The following KRT8 variants were observed in gnomAD, a reference collection of about 807,000 sequenced individuals.
KRT8 encodes the protein keratin, type II cytoskeletal 8.
KRT8 carries 24 observed loss-of-function variants against 43.0 expected under a neutral mutation model. The ratio of observed to expected loss-of-function variants is 0.56; its 90% CI spans 0.40 to 0.78. The LOEUF is 0.78. KRT8 is among the 30% of genes least tolerant of loss of function. KRT8 has a pLI of 0.00. For synonymous variants in KRT8, 214 were observed against 261.2 expected (o/e 0.82, Z 1.74); for missense variants, 492 against 638.4 (o/e 0.77, Z 2.47).
chr12:52,927,147 G>T (rs1258486956), intron 2 of KRT8, among the ~76,000 whole-genome samples: 1 of 152,194 alleles, frequency 6.6e-6, no homozygotes, highest in Non-Finnish European at 1.5e-5. Context: ...AGCCTCAGAA[G>T]GGTGTCCACA....
intron 2 of KRT8, among the ~76,000 whole-genome samples, chr12:52,941,313 G>C (rs1426818600): frequency 6.6e-6 from 1 of 151,870 alleles, no homozygotes; most frequent in East Asian, 1.9e-4. Flanking sequence ...AAAGCTTAAG[G>C]TTTCCTTGAA....
At chr12:52,897,557 G>A in exon 8 of KRT8, 2 of 1,597,548 alleles carry the variant, frequency 1.3e-6, no homozygotes, top group Non-Finnish European at 8.5e-7. Flanking sequence ...AGCCAAAGCT[G>A]GAGCCCAGGC....
chr12:52,905,646 G>A (rs1450695799), upstream of KRT8, among the ~76,000 whole-genome samples: 2 of 152,188 alleles, frequency 1.3e-5, no homozygotes, highest in Non-Finnish European at 2.9e-5. Context: ...ACCTGGTGCA[G>A]TGCCAAGAGG....
At chr12:52,946,020 C>G (rs551334669) in intron 2 of KRT8, among the ~76,000 whole-genome samples, 1 of 152,278 alleles carries the variant, frequency 6.6e-6, no homozygotes, top group African/African-American at 2.4e-5. Context: ...CAGGCTGGTG[C>G]TGGAAGCCCG....
chr12:52,899,042 C>T (rs910446492), intron 5 of KRT8, 143 bp from the exon 6 acceptor site: 8 of 753,878 alleles, frequency 1.1e-5, no homozygotes, highest in African/African-American at 1.7e-5. Context: ...GGGCCGGGCA[C>T]AGTGGCTCAT....
In KRT8 at chr12:52,901,157, A is replaced by G. The variant is rs867844907; in HGVS notation, c.594+2T>C. On this transcript the variant is annotated splice_donor_variant, in intron 3 of 7. Transcript: ENST00000692008. LOFTEE classifies it high-confidence loss of function. The stretch of plus-strand genomic sequence containing the variant: ...CAGATAGGAGAAGGGAGACTCCCTC[A>G]CCTTCTTGATGAGGACAAATTCGTT... The G allele has an allele frequency of 2.5e-6, 4 of 1,599,150 alleles. No homozygotes were observed. In the African/African-American group the frequency reaches 5.4e-5, roughly 21 times the overall value.
At chr12:52,934,840 A>G (rs1018242208) in intron 2 of KRT8, among the ~76,000 whole-genome samples, 1 of 151,830 alleles carries the variant, frequency 6.6e-6, no homozygotes, top group Non-Finnish European at 1.5e-5. Flanking sequence ...ATGGTGGCGT[A>G]TGCCTGTAAT....
intron 2 of KRT8, among the ~76,000 whole-genome samples, chr12:52,922,760 T>C (rs958933988): frequency 2.0e-5 from 3 of 152,238 alleles, no homozygotes; most frequent in African/African-American, 7.2e-5. Flanking sequence ...ACTTTCCATC[T>C]ACTTCCTAAG....
chr12:52,945,785 G>A (rs535561758), intron 2 of KRT8, among the ~76,000 whole-genome samples: 3 of 152,058 alleles, frequency 2.0e-5, no homozygotes, highest in Non-Finnish European at 4.4e-5. Context: ...TACTCTTTGT[G>A]TCTGTTCTGG....
At chr12:52,898,855 T>C (rs1360822343) in exon 6 of KRT8, 4 of 1,613,248 alleles carry the variant, frequency 2.5e-6, no homozygotes, top group East Asian at 2.2e-5. Context: ...TGGCCAGCTC[T>C]CCACGCTGCT....
chr12:52,941,722 A>G (rs1450597770), intron 2 of KRT8, among the ~76,000 whole-genome samples: 2 of 151,828 alleles, frequency 1.3e-5, no homozygotes, highest in African/African-American at 2.4e-5. Flanking sequence ...TCCCAACCTC[A>G]GGTGATCCGC....
At chr12:52,941,274 G>A (rs1272817677) in intron 2 of KRT8, among the ~76,000 whole-genome samples, 1 of 151,620 alleles carries the variant, frequency 6.6e-6, no homozygotes, top group Non-Finnish European at 1.5e-5. Context: ...ACAGATGCAG[G>A]AAGATCATAG....
chr12:52,900,021 C>T (rs1191403588), exon 5 of KRT8: 2 of 1,612,758 alleles, frequency 1.2e-6, no homozygotes, highest in Non-Finnish European at 1.7e-6. Context: ...CCATGGACAG[C>T]ACCACAGATG....
exon 6 of KRT8, chr12:52,898,829 G>A (rs763382793): frequency 1.1e-5 from 17 of 1,613,516 alleles, no homozygotes; most frequent in South Asian, 7.7e-5. Context: ...GGACAACTTG[G>A]CGTTGGCATC....
upstream of KRT8, among the ~76,000 whole-genome samples, chr12:52,908,313 C>A (rs1941565531): frequency 6.6e-6 from 1 of 152,120 alleles, no homozygotes; most frequent in Non-Finnish European, 1.5e-5. Flanking sequence ...GCAAGCTCCG[C>A]CTCCCGGGAT....
At chr12:52,920,827 C>T (rs1941868850) in intron 2 of KRT8, among the ~76,000 whole-genome samples, 1 of 152,128 alleles carries the variant, frequency 6.6e-6, no homozygotes, top group Non-Finnish European at 1.5e-5. Flanking sequence ...TCACTTGAGG[C>T]CAGGAGTTCA....
exon 5 of KRT8, chr12:52,900,044 G>C (rs1941327260): frequency 6.2e-7 from 1 of 1,612,666 alleles, no homozygotes; most frequent in East Asian, 2.2e-5. Context: ...TCCGAGATCT[G>C]GGACTGCAGC....
Position 52,918,180 on chromosome 12 carries a change from G to GAAGAAGAAGAAGAAGAAGGAGAAGGAGAA in KRT8, c.-46-13154_-46-13153insTTCTCCTTCTCCTTCTTCTTCTTCTTCTT. ...GGGAAGAAGAAGAAGAAGAGGAAGA[G>GAAGAAGAAGAAGAAGAAGGAGAAGGAGAA]GAAGAAGAAGAAGAAGAAGAAGAAC... On this transcript the variant is annotated intron_variant, in intron 2 of 6. Coordinates refer to the KRT8 transcript ENST00000546826. 2.2e-4 allele frequency among the ~76,000 whole-genome samples: 16 copies of GAAGAAGAAGAAGAAGAAGGAGAAGGAGAA among 73,818 alleles called. 1 individual carries two copies. The highest frequency in any genetic ancestry group is 9.6e-4 in the African/African-American group (16 of 16,600). The allele number at this position is 73,818 out of a possible 152,430, so 48.4% of individuals were successfully genotyped here.
At position 52,905,061 on chromosome 12, in the gene KRT8, G is replaced by A. The variant is rs1408010403; in HGVS notation, c.-80C>T. The A allele has an allele frequency of 3.9e-6, 6 of 1,529,374 alleles. No individual in the cohort carries two copies. The Admixed American group carries it at 6.1e-5, about 15-fold the overall frequency. 94.7% of individuals were successfully genotyped at this position (1,529,374 alleles called of 1,614,324 possible). A position where few individuals can be genotyped will look rare whatever the true frequency, so the allele number is the denominator to read the frequency against. ...AGCGGAGAAGCTGCTTCTTGGTGAG[G>A]AGAGCTCTCAGGAATGGCCTTTTAT... On this transcript the variant is annotated 5_prime_UTR_variant, in exon 1 of 8. Coordinates refer to ENST00000692008, the Ensembl canonical transcript of KRT8.
Sources: gnomAD v4.1 joint callset for allele counts (sites outside exome capture counted in the v4.1 genomes callset) on GRCh38, gnomAD v4.1.1 for gene constraint, MANE v1.5 for transcripts, NCBI Gene and HGNC (gene_info 2026-07-23, HGNC 2026-07-21) for gene names.